Variants in LAMA2 observed in about 807,000 individuals in gnomAD.
LAMA2 encodes laminin subunit alpha-2.
In LAMA2, 269 loss-of-function variants were observed where a neutral mutation model predicts 364.8. The observed-to-expected ratio is 0.74, with a 90% confidence interval of 0.67 to 0.82. LAMA2 has a LOEUF of 0.82. Ranked by LOEUF, LAMA2 falls within the 40% of genes least tolerant of loss-of-function variation. The pLI, the probability that LAMA2 is intolerant of heterozygous loss-of-function variation, is 0.00. For missense variants in LAMA2, 3,807 were observed against 3,873.2 expected, an observed-to-expected ratio of 0.98 and a Z score of 0.45; for synonymous variants, 1,379 against 1,370.6, an observed-to-expected ratio of 1.01 and a Z score of -0.14.
Position 129,260,770 on chromosome 6 carries a change from C to T in LAMA2, c.2156C>T (p.Ala719Val). The T allele has an allele frequency of 6.2e-7, 1 of 1,612,728 alleles. No individual in the cohort carries two copies. Among genetic ancestry groups the T allele is most frequent in the East Asian group, 2.2e-5 (1 of 44,854 alleles). Residue 719 changes from alanine to valine, a missense_variant, in exon 15 of 65, where the codon GCA becomes GTA. Transcript: ENST00000421865. ...VSYPTDGSIA[A>V]AVEVCQCPPG... The stretch of plus-strand genomic sequence containing the variant: ...TATCCTACTGATGGAAGCATTGCAG[C>T]AGCTGTAGAAGTGTGTCAGTGCCCA...
At chr6:129,198,572 C>A (rs1275671075) in intron 12 of LAMA2, among the ~76,000 whole-genome samples, 1 of 152,074 alleles carries the variant, frequency 6.6e-6, no homozygotes, top group Non-Finnish European at 1.5e-5. Flanking sequence ...ACAAATCCAA[C>A]AAGTTTTTTA....
At chr6:129,513,575 T>C (rs1786777287) in intron 63 of LAMA2, among the ~76,000 whole-genome samples, 1 of 152,226 alleles carries the variant, frequency 6.6e-6, no homozygotes, top group South Asian at 2.1e-4. Flanking sequence ...ATTTTTAATC[T>C]TTCTTCTTAA....
At chr6:129,158,624 A>T in intron 8 of LAMA2, 1 of 1,614,196 alleles carries the variant, frequency 6.2e-7, no homozygotes, top group Non-Finnish European at 8.5e-7. Flanking sequence ...AGATGATCAT[A>T]GCAATTATGC....
intron 12 of LAMA2, among the ~76,000 whole-genome samples, chr6:129,207,182 C>A (rs1404601264): frequency 1.3e-5 from 2 of 152,188 alleles, no homozygotes; most frequent in African/African-American, 4.8e-5. Context: ...ACGGGCCCTT[C>A]TTTTGCATTG....
At chr6:129,118,800 T>C (rs534976096) in intron 4 of LAMA2, among the ~76,000 whole-genome samples, 1 of 152,300 alleles carries the variant, frequency 6.6e-6, no homozygotes, top group Admixed American at 6.5e-5. Context: ...TTATTGTTTT[T>C]AATTGCTTCC....
intron 5 of LAMA2, among the ~76,000 whole-genome samples, chr6:129,146,713 T>C (rs1487220099): frequency 6.6e-6 from 1 of 152,012 alleles, no homozygotes; most frequent in African/African-American, 2.4e-5. Flanking sequence ...TGGTGCTGAC[T>C]GGGAAAAAGA....
At chr6:128,924,522 T>C (rs1778964940) in intron 1 of LAMA2, among the ~76,000 whole-genome samples, 1 of 141,012 alleles carries the variant, frequency 7.1e-6, no homozygotes, top group African/African-American at 2.5e-5. Flanking sequence ...TATCAGTTAA[T>C]AATTCAAGAA....
At chr6:129,014,229 A>T (rs1784943626) in intron 1 of LAMA2, among the ~76,000 whole-genome samples, 1 of 152,164 alleles carries the variant, frequency 6.6e-6, no homozygotes, top group South Asian at 2.1e-4. Context: ...TAATATTTGG[A>T]TATGTAAGTC....
chr6:128,940,138 C>T (rs988058222), intron 1 of LAMA2, among the ~76,000 whole-genome samples: 1 of 151,796 alleles, frequency 6.6e-6, no homozygotes, highest in Admixed American at 6.6e-5. Flanking sequence ...TGTTCTGTTC[C>T]TTCTACTGCC....
chr6:129,505,439 C>A, intron 61 of LAMA2, 84 bp downstream of exon 61: 1 of 1,049,366 alleles, frequency 9.5e-7, no homozygotes, highest in Non-Finnish European at 1.5e-6. Context: ...GTCACATGGG[C>A]CCATGAAAAC....
intron 1 of LAMA2, among the ~76,000 whole-genome samples, chr6:129,042,049 A>G (rs1787138952): frequency 6.6e-6 from 1 of 150,592 alleles, no homozygotes; most frequent in Non-Finnish European, 1.5e-5. Flanking sequence ...TCATGCCTGT[A>G]ATCCTAACAC....
chr6:128,893,729 A>G lies in LAMA2; in HGVS notation c.112+10372A>G, dbSNP rs188843381. On this transcript the variant is annotated intron_variant, in intron 1 of 64. Transcript: ENST00000421865. ...TAATTGAAACTTTGATTTATGGTAT[A>G]TCTACTATTTGATTGTATTAAAATT... Among the ~76,000 whole-genome samples, 238 of 152,136 alleles carry G rather than the reference A, an allele frequency of 1.6e-3. 1 individual carries two copies. The highest frequency in any genetic ancestry group is 5.6e-3 in the African/African-American group (233 of 41,570).
chr6:129,410,817 T>A (rs1780504888), intron 40 of LAMA2, among the ~76,000 whole-genome samples: 1 of 152,162 alleles, frequency 6.6e-6, no homozygotes, highest in Non-Finnish European at 1.5e-5. Flanking sequence ...GCTTACGTGA[T>A]TATGGAGGCT....
chr6:129,326,724 TTA>T (rs897346831), intron 28 of LAMA2, among the ~76,000 whole-genome samples: 12 of 145,254 alleles, frequency 8.3e-5, no homozygotes, highest in Admixed American at 2.1e-4. Flanking sequence ...TATTTATATA[TTA>T]TATATATTTT....
chr6:129,420,814 T>A (rs1410101732), intron 40 of LAMA2, among the ~76,000 whole-genome samples: 1 of 152,152 alleles, frequency 6.6e-6, no homozygotes, highest in Non-Finnish European at 1.5e-5. Context: ...AACTCTAACT[T>A]GCCTTCACAC....
At chr6:129,069,417 ATAT>A in intron 3 of LAMA2, among the ~76,000 whole-genome samples, 1 of 148,246 alleles carries the variant, frequency 6.7e-6, no homozygotes. Context: ...ATATACAATT[ATAT>A]TATTTATTTA....
chr6:129,403,758 G>A, intron 39 of LAMA2, 63 bp from the exon 40 acceptor site: 1 of 1,482,358 alleles, frequency 6.7e-7, no homozygotes, highest in Non-Finnish European at 9.4e-7. Context: ...CATATAATTA[G>A]GACGTTCTTC....
At chr6:129,439,438 C>T (rs547080656) in intron 42 of LAMA2, among the ~76,000 whole-genome samples, 1 of 151,972 alleles carries the variant, frequency 6.6e-6, no homozygotes, top group Non-Finnish European at 1.5e-5. Context: ...CACATAGACA[C>T]TAATCTCTAA....
intron 9 of LAMA2, among the ~76,000 whole-genome samples, chr6:129,169,300 G>C (rs1342885892): frequency 6.7e-6 from 1 of 148,870 alleles, no homozygotes; most frequent in Non-Finnish European, 1.5e-5. Context: ...CTGTGGGTTT[G>C]TCATAGATAG....
Sources: allele counts gnomAD v4.1 joint callset (sites outside exome capture counted in the v4.1 genomes callset), GRCh38; gene constraint gnomAD v4.1.1; transcripts MANE v1.5; gene names NCBI Gene and HGNC (gene_info 2026-07-23, HGNC 2026-07-21).